The following HGF variants were observed in gnomAD, a reference collection of about 807,000 sequenced individuals.
The protein encoded by HGF is fibroblast-derived tumor cytotoxic factor.
A neutral mutation model predicts 111.6 loss-of-function variants in HGF; 39 were observed. The observed-to-expected ratio is 0.35, with a 90% CI of 0.27 to 0.46. HGF has a LOEUF of 0.46. Among genes scored for constraint, HGF ranks in the 20% least tolerant of loss-of-function variants. The pLI is 1.00. For missense variants in HGF, 735 were observed against 910.5 expected (o/e 0.81, Z 2.48); for synonymous variants, 285 against 294.8 (o/e 0.97, Z 0.34).
Position 81,701,474 on chromosome 7 carries a change from T to G in HGF, c.*1107A>C, listed in dbSNP as rs1013180451. ...TATAAAACTTTGGAGACTTGGAAAT[T>G]TTCCTCTTAAATTTTTTAAAATTTA... On this transcript the variant is annotated 3_prime_UTR_variant, in exon 18 of 18. Transcript: ENST00000222390. 5 of 151,648 alleles carry G rather than the reference T, an allele frequency of 3.3e-5. No individual in the cohort carries two copies. The highest frequency in any genetic ancestry group is 1.2e-4 in the African/African-American group (5 of 41,514). 9.4% of individuals were successfully genotyped at this position (151,648 alleles called of 1,614,324 possible).
rs1410208551 is a variant in HGF at position 81,752,111 on chromosome 7, T to C, written c.625+9A>G. On this transcript the variant is annotated intron_variant, in intron 5 of 17. Transcript: ENST00000222390. Reference sequence around the variant, plus strand: ...TAGAATGGCCCACATGGCATTCAGGTTTATTTACCTTCTGAACACTGAGGA... The same window carrying C: ...TAGAATGGCCCACATGGCATTCAGGCTTATTTACCTTCTGAACACTGAGGA... 1 of 1,613,452 alleles carries C rather than the reference T, an allele frequency of 6.2e-7. No homozygotes were observed. The highest frequency in any genetic ancestry group is 8.5e-7 in the Non-Finnish European group (1 of 1,179,480).
chr7:81,714,165 T>C (rs1487728800), intron 11 of HGF, among the ~76,000 whole-genome samples: 1 of 152,150 alleles, frequency 6.6e-6, no homozygotes. Flanking sequence ...ATGTTCACAT[T>C]CTCATTTTAT....
At chr7:81,751,984 A>G in intron 5 of HGF, 136 bp downstream of exon 5, 1 of 1,462,140 alleles carries the variant, frequency 6.8e-7, no homozygotes, top group Non-Finnish European at 9.0e-7. Flanking sequence ...AAAATGTTTA[A>G]ATAATTATTT....
intron 8 of HGF, among the ~76,000 whole-genome samples, chr7:81,727,996 GTGT>G (rs1393056761): frequency 6.6e-6 from 1 of 152,150 alleles, no homozygotes; most frequent in Admixed American, 6.5e-5. Flanking sequence ...ATCACAGGCA[GTGT>G]TGTTCAGTTA....
chr7:81,704,672 A>G (rs1789374655), intron 17 of HGF, among the ~76,000 whole-genome samples: 2 of 151,798 alleles, frequency 1.3e-5, no homozygotes, highest in South Asian at 4.1e-4. Flanking sequence ...ATATCAAAGG[A>G]CATTTCACTA....
chr7:81,761,886 G>A (rs1187093964), intron 2 of HGF, among the ~76,000 whole-genome samples: 8 of 152,028 alleles, frequency 5.3e-5, no homozygotes, highest in African/African-American at 1.4e-4. Flanking sequence ...CATAAGGAGC[G>A]CACACCCTAG....
intron 9 of HGF, among the ~76,000 whole-genome samples, chr7:81,721,506 A>G (rs1224486189): frequency 1.3e-5 from 2 of 152,220 alleles, no homozygotes; most frequent in African/African-American, 4.8e-5. Context: ...TTCATTCCAT[A>G]GAAAAGTAAT....
At position 81,728,233 on chromosome 7, in the gene HGF, A is replaced by G. The variant is rs191029294; in HGVS notation, c.1040+1372T>C. Among the ~76,000 whole-genome samples the G allele has an allele frequency of 3.3e-5, 5 of 152,336 alleles. No individual in the cohort carries two copies. In the East Asian group the frequency reaches 9.6e-4, roughly 29 times the overall value. On this transcript the variant is annotated intron_variant, in intron 8 of 17. Transcript: ENST00000222390. Reference sequence around the variant, plus strand: ...TGTTTCTTAATACTTATGTTTGGTTATTTAAAACAAATAACAAAATTAAGA... The same window carrying G: ...TGTTTCTTAATACTTATGTTTGGTTGTTTAAAACAAATAACAAAATTAAGA...
At chr7:81,734,027 G>A (rs1423486760) in intron 7 of HGF, among the ~76,000 whole-genome samples, 1 of 152,104 alleles carries the variant, frequency 6.6e-6, no homozygotes, top group African/African-American at 2.4e-5. Flanking sequence ...TGGGACCTGA[G>A]TAAGGGAGGG....
chr7:81,736,894 G>GGTGTGTGTGTGT (rs368271908), intron 7 of HGF, among the ~76,000 whole-genome samples: 23,307 of 141,808 alleles, frequency 0.16, 2,014 homozygotes, highest in East Asian at 0.25. Flanking sequence ...TGTGTAGAGG[G>GGTGTGTGTGTGT]GTGTGTGTGT....
At chr7:81,723,973 A>T (rs1789942825) in intron 9 of HGF, among the ~76,000 whole-genome samples, 1 of 152,026 alleles carries the variant, frequency 6.6e-6, no homozygotes, top group Admixed American at 6.6e-5. Context: ...TAATATTTTC[A>T]CCTATGAATG....
intron 7 of HGF, chr7:81,743,040 C>T (rs1788072608): frequency 1.8e-6 from 2 of 1,092,708 alleles, no homozygotes; most frequent in East Asian, 4.8e-5. Context: ...TGTGATGCTG[C>T]ACACATTTCC....
Position 81,720,815 on chromosome 7 carries a change from C to T in HGF, c.1201G>A (p.Gly401Ser), listed in dbSNP as rs764574926. The T allele has an allele frequency of 6.2e-7, 1 of 1,612,386 alleles. No homozygotes were observed. The highest frequency in any genetic ancestry group is 8.5e-7 in the Non-Finnish European group (1 of 1,178,588). ...CCAGATCTTGTTTGGGATAAGTTGC[C>T]CATATAATTTTTGCCATTCCCACGA... ...CYRGNGKNYM[G>S]NLSQTRSGLT... Residue 401 changes from glycine to serine, a missense_variant, in exon 10 of 18, where the codon GGC becomes AGC. By Grantham distance (56) the Gly-to-Ser change is moderately conservative. Coordinates refer to ENST00000222390, the MANE Select transcript of HGF (RefSeq NM_000601.6).
Position 81,752,192 on chromosome 7 carries a change from C to T in HGF, c.553G>A (p.Gly185Arg). 6.2e-7 allele frequency: 1 copy of T among 1,613,630 alleles called. No individual in the cohort carries two copies. The highest frequency in any genetic ancestry group is 1.1e-5 in the South Asian group (1 of 91,078). The stretch of plus-strand genomic sequence containing the variant: ...TTGCTTGTGAAACACCAGGGTCCCC[C>T]TTCTTCCCCTCGAGGATTTCGACAG... ...NYCRNPRGEE[G>R]GPWCFTSNPE... Residue 185 changes from glycine (G) to arginine (R), a missense_variant, in exon 5 of 18, where the codon GGG becomes AGG. Around this residue, in one of 3 missense-constraint regions of HGF, gnomAD observed 553 missense variants for 685.6 expected, o/e 0.81. Transcript: ENST00000222390.
At chr7:81,708,842 G>A (rs185727845) in intron 13 of HGF, among the ~76,000 whole-genome samples, 1 of 151,874 alleles carries the variant, frequency 6.6e-6, no homozygotes, top group African/African-American at 2.4e-5. Context: ...TAATATTCTG[G>A]TTAGTTTCAC....
At chr7:81,742,974 A>G (rs1241695354) in intron 7 of HGF, 27 of 1,609,854 alleles carry the variant, frequency 1.7e-5, no homozygotes, top group Non-Finnish European at 2.2e-5. Context: ...TAGGTAAAGG[A>G]TACAGGATTG....
rs560462747 is a variant in HGF, at chr7:81,711,399, A to G, written c.1444+82T>C. Reference sequence around the variant, plus strand: ...TTTATAATGGAAGCTAATATAGATAATTTTCTTTGAAAGAAATAATGACAC... The same window carrying G: ...TTTATAATGGAAGCTAATATAGATAGTTTTCTTTGAAAGAAATAATGACAC... On this transcript the variant is annotated intron_variant, in intron 12 of 17. Transcript: ENST00000222390. The G allele has an allele frequency of 2.1e-4, 151 of 703,248 alleles. No homozygotes were observed. In the South Asian group the frequency reaches 3.2e-3, roughly 15 times the overall value. 43.6% of individuals were successfully genotyped at this position (703,248 alleles called of 1,614,324 possible).
In HGF at chr7:81,761,157, G is replaced by T. The variant is rs188481096; in HGVS notation, c.254+1550C>A. Among the ~76,000 whole-genome samples the T allele has an allele frequency of 3.0e-3, 450 of 149,968 alleles. 1 individual carries two copies. The highest frequency in any genetic ancestry group is 4.8e-3 in the Admixed American group (73 of 15,078). On this transcript the variant is annotated intron_variant, in intron 2 of 17. Coordinates refer to ENST00000222390, the MANE Select transcript of HGF (RefSeq NM_000601.6). The stretch of plus-strand genomic sequence containing the variant: ...TCCTCAACTGCTGGAACATCTCCAT[G>T]AATCTACACAGCTGAGATGTTGATT...
At chr7:81,758,567 A>G in intron 3 of HGF, 125 bp downstream of exon 3, 1 of 669,404 alleles carries the variant, frequency 1.5e-6, no homozygotes. Context: ...GGATGAATTG[A>G]CTACATAAAA....
Sources: gnomAD v4.1 joint callset for allele counts (sites outside exome capture counted in the v4.1 genomes callset) on GRCh38, gnomAD v4.1.1 for gene constraint, gnomAD v4.1.1 regional missense constraint, MANE v1.5 for transcripts, NCBI Gene and HGNC (gene_info 2026-07-23, HGNC 2026-07-21) for gene names.